The following MRTFA variants were observed in gnomAD, a reference collection of about 807,000 sequenced individuals.
The protein encoded by MRTFA is myocardin related transcription factor A.
A neutral mutation model predicts 83.5 loss-of-function variants in MRTFA; 20 were observed. The observed-to-expected ratio is 0.24, with a 90% CI of 0.17 to 0.35. The LOEUF is 0.35. MRTFA is among the 10% of genes least tolerant of loss of function. The probability of loss-of-function intolerance (pLI) is 1.00; values close to 1 mark genes in which losing one functional copy is unlikely to be tolerated. For missense variants in MRTFA, 1,200 were observed against 1,224.7 expected (o/e 0.98, Z 0.30); for synonymous variants, 659 against 541.2 (o/e 1.22, Z -3.02).
At chr22:40,629,172 G>A (rs897961745) in intron 1 of MRTFA, among the ~76,000 whole-genome samples, 24 of 151,972 alleles carry the variant, frequency 1.6e-4, no homozygotes, top group African/African-American at 5.3e-4. Context: ...GGCTGGGCGC[G>A]GTGGCTCACA....
chr22:40,529,526 A>AG (rs1196735931), intron 3 of MRTFA, among the ~76,000 whole-genome samples: 1 of 152,266 alleles, frequency 6.6e-6, no homozygotes, highest in Non-Finnish European at 1.5e-5. Flanking sequence ...CATGTTGGCA[A>AG]GGCTGGTCTC....
At chr22:40,540,597 T>A (rs955255683) in intron 3 of MRTFA, among the ~76,000 whole-genome samples, 1 of 151,902 alleles carries the variant, frequency 6.6e-6, no homozygotes, top group Admixed American at 6.6e-5. Flanking sequence ...CTGACCAACA[T>A]GGTGAAACCC....
At chr22:40,579,910 T>C (rs1408556317) in intron 2 of MRTFA, among the ~76,000 whole-genome samples, 2 of 151,218 alleles carry the variant, frequency 1.3e-5, no homozygotes, top group Admixed American at 6.6e-5. Context: ...ACCAAAGTCC[T>C]AACTATAAAA....
intron 1 of MRTFA, among the ~76,000 whole-genome samples, chr22:40,613,620 C>G (rs534286107): frequency 6.6e-6 from 1 of 152,000 alleles, no homozygotes; most frequent in East Asian, 1.9e-4. Flanking sequence ...CTTTGGGATA[C>G]TAAGACAGAA....
intron 3 of MRTFA, among the ~76,000 whole-genome samples, chr22:40,473,334 A>T (rs2053945631): frequency 6.6e-6 from 1 of 151,944 alleles, no homozygotes; most frequent in Non-Finnish European, 1.5e-5. Flanking sequence ...TAATTTTTAA[A>T]TTTTTTTGTA....
At chr22:40,414,590 G>A (rs900441912) in intron 14 of MRTFA, among the ~76,000 whole-genome samples, 17 of 152,178 alleles carry the variant, frequency 1.1e-4, no homozygotes, top group Admixed American at 6.5e-4. Context: ...GATGGACCCT[G>A]AGGACATTAT....
At chr22:40,527,758 T>TAAA (rs56235942) in intron 3 of MRTFA, among the ~76,000 whole-genome samples, 2 of 100,094 alleles carry the variant, frequency 2.0e-5, no homozygotes, top group African/African-American at 7.6e-5. Context: ...GACTCCATCT[T>TAAA]AAAAAAAAAA....
chr22:40,457,703 C>T (rs747116201), intron 4 of MRTFA, among the ~76,000 whole-genome samples: 3 of 152,104 alleles, frequency 2.0e-5, no homozygotes, highest in East Asian at 1.9e-4. Flanking sequence ...TATTTCCTCA[C>T]GTGTTATTCA....
intron 3 of MRTFA, among the ~76,000 whole-genome samples, chr22:40,499,852 C>T (rs1480979121): frequency 6.7e-6 from 1 of 148,460 alleles, no homozygotes; most frequent in Non-Finnish European, 1.5e-5. Flanking sequence ...AGGTGTGACA[C>T]TTCAGCCCAA....
chr22:40,485,860 C>CA (rs766945081), intron 3 of MRTFA, among the ~76,000 whole-genome samples: 34 of 152,302 alleles, frequency 2.2e-4, no homozygotes, highest in Middle Eastern at 3.4e-3. Flanking sequence ...TAAGTGGACT[C>CA]AGAGATTAAC....
chr22:40,410,706 T>C lies in MRTFA; in HGVS notation c.*684A>G. 4.3e-6 allele frequency: 1 copy of C among 233,302 alleles called. No individual in the cohort carries two copies. The highest frequency in any genetic ancestry group is 8.5e-6 in the Non-Finnish European group (1 of 117,930). The allele number at this position is 233,302 out of a possible 1,614,324, so 14.5% of individuals were successfully genotyped here. A position where few individuals can be genotyped will look rare whatever the true frequency, so the allele number is the denominator to read the frequency against. On this transcript the variant is annotated 3_prime_UTR_variant, in exon 15 of 15. Coordinates refer to ENST00000355630, the MANE Select transcript of MRTFA (RefSeq NM_020831.6). Reference sequence around the variant, plus strand: ...TGGGCACCAGACTGTGGCACACAGCTCAAGGGTAACCTTGCATCCAGGCCC... The same window carrying C: ...TGGGCACCAGACTGTGGCACACAGCCCAAGGGTAACCTTGCATCCAGGCCC...
chr22:40,459,830 C>CACATATATAT lies in MRTFA; in HGVS notation c.307+3390_307+3391insATATATATGT, dbSNP rs71296624. On this transcript the variant is annotated intron_variant, in intron 4 of 14. Coordinates refer to ENST00000355630, the MANE Select transcript of MRTFA (RefSeq NM_020831.6). ...ACACACACACACACACACATATATACATATATATATATATATATATATATA... is the reference window on the plus strand; with the variant it reads ...ACACACACACACACACACATATATACACATATATATATATATATATATATATATATATATA... 1.0e-4 allele frequency among the ~76,000 whole-genome samples: 9 copies of CACATATATAT among 86,942 alleles called. No homozygotes were observed. The East Asian group carries it at 1.3e-3, about 13-fold the overall frequency. The allele number at this position is 86,942 out of a possible 152,430, so 57.0% of individuals were successfully genotyped here.
At chr22:40,533,410 A>G (rs529509633) in intron 3 of MRTFA, among the ~76,000 whole-genome samples, 1 of 152,360 alleles carries the variant, frequency 6.6e-6, no homozygotes, top group Non-Finnish European at 1.5e-5. Context: ...CTGTCAGAAT[A>G]ACTAGAATTT....
intron 3 of MRTFA, chr22:40,463,538 C>A (rs1014590422): frequency 2.5e-5 from 10 of 394,336 alleles, no homozygotes; most frequent in African/African-American, 2.0e-4. Context: ...GCATCAGAGT[C>A]TTGCCTTTTG....
chr22:40,584,704 T>C (rs953787777), intron 2 of MRTFA, among the ~76,000 whole-genome samples: 1 of 126,490 alleles, frequency 7.9e-6, no homozygotes, highest in African/African-American at 3.1e-5. Context: ...CACTCCAACC[T>C]GGGCAACAAG....
chr22:40,518,519 C>T (rs1278119167), intron 3 of MRTFA, among the ~76,000 whole-genome samples: 1 of 151,668 alleles, frequency 6.6e-6, no homozygotes, highest in Admixed American at 6.6e-5. Context: ...ACAGGCCAGG[C>T]ACGGTGGCTC....
chr22:40,577,755 C>G (rs145985352), intron 2 of MRTFA, among the ~76,000 whole-genome samples: 1 of 150,758 alleles, frequency 6.6e-6, no homozygotes, highest in Non-Finnish European at 1.5e-5. Context: ...TACAGGCATA[C>G]ACCACCATGC....
At chr22:40,422,162 G>A (rs9619869) in intron 9 of MRTFA, among the ~76,000 whole-genome samples, 17,327 of 151,802 alleles carry the variant, frequency 0.11, 1,263 homozygotes, top group Non-Finnish European at 0.17. Context: ...GAGGCAGAGA[G>A]GAGGCAGAGG....
At chr22:40,508,108 T>C (rs774081171) in intron 3 of MRTFA, among the ~76,000 whole-genome samples, 1 of 151,986 alleles carries the variant, frequency 6.6e-6, no homozygotes, top group African/African-American at 2.4e-5. Flanking sequence ...TAGCAGCAAT[T>C]GAAGACAATT....
Sources: allele counts gnomAD v4.1 joint callset (sites outside exome capture counted in the v4.1 genomes callset), GRCh38; gene constraint gnomAD v4.1.1; transcripts MANE v1.5; gene names NCBI Gene and HGNC (gene_info 2026-07-23, HGNC 2026-07-21).